Variants in MARCHF1 observed in about 807,000 individuals in gnomAD.
The protein encoded by MARCHF1 is E3 ubiquitin-protein ligase MARCHF1.
MARCHF1 carries 40 observed loss-of-function variants against 54.2 expected under a neutral mutation model. The ratio of observed to expected loss-of-function variants is 0.74; its 90% CI spans 0.57 to 0.96. The LOEUF is 0.96. MARCHF1 is among the 40% of genes least tolerant of loss of function. The pLI, the probability that MARCHF1 is intolerant of heterozygous loss-of-function variation, is 0.00. For missense variants in MARCHF1, 586 were observed against 656.5 expected (o/e 0.89, Z 1.17); for synonymous variants, 236 against 236.3 (o/e 1.00, Z 0.01).
chr4:164,123,422 C>T (rs1330598562), intron 1 of MARCHF1, among the ~76,000 whole-genome samples: 1 of 152,042 alleles, frequency 6.6e-6, no homozygotes, highest in East Asian at 1.9e-4. Flanking sequence ...CTACCACTGA[C>T]ATTCTTCACA....
At chr4:163,632,145 T>C (rs1431999607) in intron 5 of MARCHF1, among the ~76,000 whole-genome samples, 1 of 152,208 alleles carries the variant, frequency 6.6e-6, no homozygotes, top group Non-Finnish European at 1.5e-5. Context: ...TGGGAATGTA[T>C]GGTGCAGTTA....
Position 164,034,429 on chromosome 4 carries a change from T to C in MARCHF1, c.-247-45720A>G, listed in dbSNP as rs148787966. 2.0e-5 allele frequency among the ~76,000 whole-genome samples: 3 copies of C among 152,188 alleles called. No individual in the cohort carries two copies. The East Asian group carries it at 5.8e-4, about 29-fold the overall frequency. On this transcript the variant is annotated intron_variant, in intron 2 of 9. Coordinates refer to ENST00000514618, the MANE Select transcript of MARCHF1 (RefSeq NM_001394959.1). ...ACAGTATGGAGATTGCTCAAAGAACTAAAAATGTAACTACCATTCAACCCA... is the reference window on the plus strand; with the variant it reads ...ACAGTATGGAGATTGCTCAAAGAACCAAAAATGTAACTACCATTCAACCCA...
chr4:164,256,134 T>G (rs567379078), intron 1 of MARCHF1, among the ~76,000 whole-genome samples: 108 of 151,336 alleles, frequency 7.1e-4, no homozygotes, highest in African/African-American at 2.2e-3. Context: ...AAATAAAAAA[T>G]AAAAATAAAA....
chr4:164,081,337 T>C (rs187749507), intron 2 of MARCHF1, among the ~76,000 whole-genome samples: 32 of 152,060 alleles, frequency 2.1e-4, no homozygotes, highest in African/African-American at 4.1e-4. Flanking sequence ...ATCTTGTTCA[T>C]TGGTTCTATT....
At chr4:163,583,162 C>A (rs1303562933) in intron 8 of MARCHF1, among the ~76,000 whole-genome samples, 1 of 152,168 alleles carries the variant, frequency 6.6e-6, no homozygotes, top group Admixed American at 6.5e-5. Context: ...AGGCTGAGAT[C>A]TGTGACGAAT....
chr4:163,832,794 G>A (rs916590396), intron 4 of MARCHF1, among the ~76,000 whole-genome samples: 3 of 137,954 alleles, frequency 2.2e-5, no homozygotes, highest in African/African-American at 8.2e-5. Context: ...CTGTGTCCAT[G>A]TGTTCTCATT....
intron 4 of MARCHF1, among the ~76,000 whole-genome samples, chr4:163,755,396 A>G (rs953534663): frequency 2.0e-5 from 3 of 152,188 alleles, no homozygotes; most frequent in Non-Finnish European, 2.9e-5. Context: ...ATAGCAGGTA[A>G]AGCCTACTCT....
At chr4:164,040,540 T>C (rs904188811) in intron 2 of MARCHF1, among the ~76,000 whole-genome samples, 1 of 150,884 alleles carries the variant, frequency 6.6e-6, no homozygotes, top group African/African-American at 2.4e-5. Context: ...AAAGTTTTTT[T>C]TGAATTTTGA....
At chr4:164,151,079 G>A (rs538157379) in intron 1 of MARCHF1, among the ~76,000 whole-genome samples, 1 of 152,170 alleles carries the variant, frequency 6.6e-6, no homozygotes, top group Admixed American at 6.5e-5. Flanking sequence ...ATTCTTCCTA[G>A]AGCCTCCAGA....
intron 4 of MARCHF1, among the ~76,000 whole-genome samples, chr4:163,769,396 T>A (rs1013259293): frequency 6.6e-6 from 1 of 152,182 alleles, no homozygotes; most frequent in Non-Finnish European, 1.5e-5. Context: ...ATGTTTTCCA[T>A]GGGTCTAGCC....
At chr4:163,610,784 T>C (rs1741311384) in intron 7 of MARCHF1, among the ~76,000 whole-genome samples, 1 of 152,090 alleles carries the variant, frequency 6.6e-6, no homozygotes, top group South Asian at 2.1e-4. Context: ...CATGGCCCTG[T>C]ACAGTCGAGC....
chr4:163,841,942 C>G (rs1749351735), intron 4 of MARCHF1, among the ~76,000 whole-genome samples: 1 of 151,998 alleles, frequency 6.6e-6, no homozygotes, highest in African/African-American at 2.4e-5. Flanking sequence ...CAAAGCTGTA[C>G]TTATGGATTA....
chr4:163,931,957 C>A (rs1187068685), intron 3 of MARCHF1, among the ~76,000 whole-genome samples: 1 of 152,118 alleles, frequency 6.6e-6, no homozygotes, highest in Admixed American at 6.5e-5. Context: ...CAGGCCATAA[C>A]AATAAAGCTA....
At chr4:164,310,041 G>T in intron 1 of MARCHF1, among the ~76,000 whole-genome samples, 1 of 151,452 alleles carries the variant, frequency 6.6e-6, no homozygotes, top group Non-Finnish European at 1.5e-5. Context: ...TATTTATGGG[G>T]TACATGAGAT....
intron 5 of MARCHF1, among the ~76,000 whole-genome samples, chr4:163,699,963 G>GTT (rs35324736): frequency 8.4e-4 from 121 of 143,902 alleles, no homozygotes; most frequent in Admixed American, 1.2e-3. Context: ...GGAATATTTT[G>GTT]TTTTTTTTTT....
intron 5 of MARCHF1, among the ~76,000 whole-genome samples, chr4:163,663,567 C>A (rs1743425011): frequency 1.3e-5 from 2 of 151,998 alleles, no homozygotes; most frequent in Non-Finnish European, 2.9e-5. Context: ...GTCTTATTTT[C>A]ATCTTTGCAA....
At chr4:163,838,458 C>T (rs1354137240) in intron 4 of MARCHF1, among the ~76,000 whole-genome samples, 1 of 151,786 alleles carries the variant, frequency 6.6e-6, no homozygotes, top group Non-Finnish European at 1.5e-5. Context: ...ATGTGGAGTC[C>T]ACATAAATGG....
chr4:164,307,109 G>C (rs1457977408), intron 1 of MARCHF1, among the ~76,000 whole-genome samples: 1 of 152,116 alleles, frequency 6.6e-6, no homozygotes, highest in Non-Finnish European at 1.5e-5. Flanking sequence ...GAACACAGGA[G>C]ATGCAGAAAC....
intron 3 of MARCHF1, among the ~76,000 whole-genome samples, chr4:163,972,322 A>G (rs527768829): frequency 6.6e-6 from 1 of 152,286 alleles, no homozygotes; most frequent in Admixed American, 6.5e-5. Flanking sequence ...CGTTCTGCAC[A>G]TGTATCCCAG....
Sources: gnomAD v4.1 joint callset for allele counts (sites outside exome capture counted in the v4.1 genomes callset) on GRCh38, gnomAD v4.1.1 for gene constraint, MANE v1.5 for transcripts, NCBI Gene and HGNC (gene_info 2026-07-23, HGNC 2026-07-21) for gene names.